NAALADL2: variants seen among roughly 807,000 people sequenced by gnomAD.
NAALADL2 encodes N-acetylated alpha-linked acidic dipeptidase like 2, also known as inactive N-acetylated-alpha-linked acidic dipeptidase-like protein 2.
A neutral mutation model predicts 87.2 loss-of-function variants in NAALADL2; 76 were observed. The ratio of observed to expected loss-of-function variants is 0.87; its 90% CI spans 0.72 to 1.05. NAALADL2 has a LOEUF of 1.05. NAALADL2 is among the 50% of genes least tolerant of loss of function. NAALADL2 has a pLI of 0.00. For missense variants in NAALADL2, 1,089 were observed against 945.8 expected (o/e 1.15, Z -1.99); for synonymous variants, 354 against 331.0 (o/e 1.07, Z -0.75).
At chr3:175,439,721 G>GT (rs1289691079) in intron 5 of NAALADL2, among the ~76,000 whole-genome samples, 2,108 of 125,750 alleles carry the variant, frequency 0.017, 67 homozygotes, top group African/African-American at 0.058. Context: ...TGTGTTTGTG[G>GT]TTTTTTTTTC....
intron 11 of NAALADL2, among the ~76,000 whole-genome samples, chr3:175,647,196 T>C (rs764742666): frequency 1.3e-5 from 2 of 152,136 alleles, no homozygotes; most frequent in Non-Finnish European, 2.9e-5. Context: ...TCCTACTGTA[T>C]ATTCCTAACA....
At chr3:174,922,294 AG>A (rs1234662057) in intron 1 of NAALADL2, among the ~76,000 whole-genome samples, 1 of 147,896 alleles carries the variant, frequency 6.8e-6, no homozygotes, top group Non-Finnish European at 1.5e-5. Context: ...TGGGTGACAG[AG>A]TGAGACCTTA....
chr3:175,101,134 G>A (rs887217596), intron 2 of NAALADL2, among the ~76,000 whole-genome samples: 1 of 152,170 alleles, frequency 6.6e-6, no homozygotes, highest in Non-Finnish European at 1.5e-5. Context: ...AATTCATCCT[G>A]AGTAAACACA....
intron 2 of NAALADL2, among the ~76,000 whole-genome samples, chr3:174,693,141 A>AT (rs1184257677): frequency 6.6e-6 from 1 of 152,024 alleles, no homozygotes; most frequent in African/African-American, 2.4e-5. Flanking sequence ...AGGAGTTAAC[A>AT]TCCAATCACT....
At chr3:175,537,833 T>C (rs1711541918) in intron 9 of NAALADL2, among the ~76,000 whole-genome samples, 1 of 152,202 alleles carries the variant, frequency 6.6e-6, no homozygotes, top group Non-Finnish European at 1.5e-5. Context: ...ATGTACAGAA[T>C]TGGGAAGAAA....
At chr3:175,112,281 CTTG>C (rs996844050) in intron 2 of NAALADL2, among the ~76,000 whole-genome samples, 1 of 151,426 alleles carries the variant, frequency 6.6e-6, no homozygotes, top group Non-Finnish European at 1.5e-5. Flanking sequence ...TCCCCAAATT[CTTG>C]TTAATATATT....
At chr3:174,550,262 G>A (rs1433270314) in intron 1 of NAALADL2, among the ~76,000 whole-genome samples, 2 of 151,950 alleles carry the variant, frequency 1.3e-5, no homozygotes, top group South Asian at 2.1e-4. Context: ...AGTGACAAAT[G>A]TTATATATGA....
intron 1 of NAALADL2, among the ~76,000 whole-genome samples, chr3:174,956,400 G>T (rs1028846233): frequency 2.0e-5 from 3 of 152,060 alleles, no homozygotes; most frequent in South Asian, 2.1e-4. Context: ...TCTATGAGAG[G>T]CAGAGTCCTG....
At chr3:174,669,821 C>A (rs1364905896) in intron 2 of NAALADL2, among the ~76,000 whole-genome samples, 3 of 151,938 alleles carry the variant, frequency 2.0e-5, no homozygotes, top group Non-Finnish European at 4.4e-5. Context: ...CTGTAGGTAG[C>A]TTTCGATAGT....
intron 3 of NAALADL2, among the ~76,000 whole-genome samples, chr3:175,242,060 C>T (rs931637814): frequency 7.9e-5 from 12 of 151,420 alleles, no homozygotes; most frequent in Non-Finnish European, 1.6e-4. Context: ...TGGGGTTTCA[C>T]CATGTTGGCC....
Position 175,469,613 on chromosome 3 carries a change from T to C in NAALADL2, c.1534-2026T>C, listed in dbSNP as rs992707399. On this transcript the variant is annotated intron_variant, in intron 8 of 13. Transcript: ENST00000454872. Reference sequence around the variant, plus strand: ...ACATTTTGCTAAATAGGTTCTATACTTTAAAAAGTACCATTTCTTCTGTGA... The same window carrying C: ...ACATTTTGCTAAATAGGTTCTATACCTTAAAAAGTACCATTTCTTCTGTGA... 1.8e-4 allele frequency among the ~76,000 whole-genome samples: 28 copies of C among 152,204 alleles called. 2 individuals are homozygous for C. Among genetic ancestry groups the C allele is most frequent in the Admixed American group, 1.1e-3 (17 of 15,284 alleles).
chr3:175,293,036 CAAAAAAAAAAAAAA>C lies in NAALADL2; in HGVS notation c.940-31125_940-31112del, dbSNP rs568981496. ...TGGGTGACAGAGCGAGACTCCGTCT[CAAAAAAAAAAAAAA>C]AAAAAAAAAAAAAGGGGGAACTCGG... On this transcript the variant is annotated intron_variant, in intron 4 of 13. Coordinates refer to ENST00000454872, the MANE Select transcript of NAALADL2 (RefSeq NM_207015.3). Among the ~76,000 whole-genome samples, 15 of 49,426 alleles carry C rather than the reference CAAAAAAAAAAAAAA, an allele frequency of 3.0e-4. 1 individual carries two copies. The highest frequency in any genetic ancestry group is 6.8e-4 in the Admixed American group (2 of 2,936). 32.4% of individuals were successfully genotyped at this position (49,426 alleles called of 152,430 possible).
At chr3:175,707,406 C>T (rs114376076) in intron 11 of NAALADL2, among the ~76,000 whole-genome samples, 3,166 of 152,096 alleles carry the variant, frequency 0.021, 117 homozygotes, top group African/African-American at 0.072. Context: ...ACGCATGAGC[C>T]ATACAAAAAG....
intron 2 of NAALADL2, among the ~76,000 whole-genome samples, chr3:175,195,257 G>A (rs1311739783): frequency 6.6e-6 from 1 of 151,734 alleles, no homozygotes; most frequent in Non-Finnish European, 1.5e-5. Flanking sequence ...CGGAGTGCTA[G>A]GGGAAGAGAC....
chr3:175,735,299 A>G (rs567866882), intron 11 of NAALADL2, among the ~76,000 whole-genome samples: 61 of 152,242 alleles, frequency 4.0e-4, no homozygotes, highest in African/African-American at 1.3e-3. Context: ...TCATTCAACA[A>G]ATCTCTATGG....
intron 2 of NAALADL2, among the ~76,000 whole-genome samples, chr3:175,181,388 A>C (rs1245962801): frequency 6.6e-6 from 1 of 151,856 alleles, no homozygotes; most frequent in Non-Finnish European, 1.5e-5. Flanking sequence ...AAACTAGTTA[A>C]TATATCCATC....
intron 9 of NAALADL2, among the ~76,000 whole-genome samples, chr3:175,495,038 G>T (rs1235155033): frequency 6.7e-6 from 1 of 148,388 alleles, no homozygotes; most frequent in Non-Finnish European, 1.5e-5. Context: ...TCTCATTGCT[G>T]CTCTTCTGTT....
At chr3:175,720,590 G>A (rs746149783) in intron 11 of NAALADL2, among the ~76,000 whole-genome samples, 20 of 151,762 alleles carry the variant, frequency 1.3e-4, no homozygotes, top group Non-Finnish European at 2.2e-4. Context: ...CATTAATGAC[G>A]TCAATTTTTA....
At chr3:175,072,620 A>G (rs1036189621) in intron 1 of NAALADL2, among the ~76,000 whole-genome samples, 3 of 142,738 alleles carry the variant, frequency 2.1e-5, no homozygotes, top group African/African-American at 7.8e-5. Flanking sequence ...TACATGTATC[A>G]TTAGGAGATG....
Sources: allele counts gnomAD v4.1 joint callset (sites outside exome capture counted in the v4.1 genomes callset), GRCh38; gene constraint gnomAD v4.1.1; transcripts MANE v1.5; gene names NCBI Gene and HGNC (gene_info 2026-07-23, HGNC 2026-07-21).